Variants in SCN4A observed in about 807,000 individuals in gnomAD.
SCN4A encodes sodium voltage-gated channel alpha subunit 4.
A neutral mutation model predicts 162.0 loss-of-function variants in SCN4A; 83 were observed. The observed-to-expected ratio is 0.51, with a 90% CI of 0.43 to 0.61. The LOEUF is 0.61. Among genes scored for constraint, SCN4A ranks in the 20% least tolerant of loss-of-function variants. The pLI is 0.00. For missense variants in SCN4A, 2,196 were observed against 2,462.5 expected (o/e 0.89, Z 2.29); for synonymous variants, 944 against 985.1 (o/e 0.96, Z 0.78).
chr17:63,947,907 C>T lies in SCN4A; in HGVS notation c.3301G>A (p.Asp1101Asn). Residue 1101 changes from aspartate (D) to asparagine (N), a missense_variant, in exon 17 of 24, where the codon GAC (aspartate) becomes AAC (asparagine). Physicochemically the swap from Asp to Asn is conservative, Grantham distance 23 (BLOSUM62 1). Transcript: ENST00000435607. Reference sequence around the variant, plus strand: ...GGACTCACATCCACGATGAGGAAGTCGAGCCAGCACCAGGCGTTGGTGAAG... The same window carrying T: ...GGACTCACATCCACGATGAGGAAGTTGAGCCAGCACCAGGCGTTGGTGAAG... The part of the protein sequence containing the change: ...VYFTNAWCWL[D>N]FLIVDVSIIS... 3.7e-6 allele frequency: 6 copies of T among 1,613,502 alleles called. No individual in the cohort carries two copies. The highest frequency in any genetic ancestry group is 4.5e-5 in the East Asian group (2 of 44,860).
chr17:63,950,280 G>A lies in SCN4A; in HGVS notation c.2854-752C>T, dbSNP rs1021299839. 1.3e-5 allele frequency among the ~76,000 whole-genome samples: 2 copies of A among 152,174 alleles called. No homozygotes were observed. Among genetic ancestry groups the A allele is most frequent in the Admixed American group, 6.5e-5 (1 of 15,288 alleles). ...GTGACCAGAAAACCACCATGGCCGG[G>A]GTGGGGGTCCTTGTTTTCATTAGAC... is the stretch of plus-strand genomic sequence containing the variant. On this transcript the variant is annotated intron_variant, in intron 14 of 23. Coordinates refer to ENST00000435607, the MANE Select transcript of SCN4A (RefSeq NM_000334.4). This position sits in a 1 kb window ranked among gnomAD's most constrained non-coding sequence, Gnocchi z 4.6.
chr17:63,967,971 C>T (rs552391034), intron 6 of SCN4A, 52 bp downstream of exon 6: 1 of 1,446,704 alleles, frequency 6.9e-7, no homozygotes, highest in Non-Finnish European at 9.7e-7. Context: ...TCAGAGGCTA[C>T]CCTAGGGACT....
chr17:63,953,955 ACCAGTCTG>A (rs1908994370), intron 13 of SCN4A, among the ~76,000 whole-genome samples: 1 of 152,148 alleles, frequency 6.6e-6, no homozygotes, highest in African/African-American at 2.4e-5. Flanking sequence ...CCTTCCTTCT[ACCAGTCTG>A]CCTGGCCCTG....
chr17:63,953,418 G>C (rs1473147039), intron 13 of SCN4A, among the ~76,000 whole-genome samples: 2 of 151,944 alleles, frequency 1.3e-5, no homozygotes, highest in Non-Finnish European at 2.9e-5. Context: ...TACAAGTAGA[G>C]CACACAGTAG....
Position 63,972,354 on chromosome 17 carries a change from A to G in SCN4A, c.390T>C (p.His130=). 1.9e-6 allele frequency: 3 copies of G among 1,613,532 alleles called. No individual in the cohort carries two copies. The highest frequency in any genetic ancestry group is 2.5e-6 in the Non-Finnish European group (3 of 1,179,550). The change falls in exon 2 of 24, where the codon CAT becomes CAC. Residue 130 remains histidine, a splice_region_variant and synonymous_variant. Coordinates refer to ENST00000435607, the MANE Select transcript of SCN4A (RefSeq NM_000334.4). The surrounding 1 kb of genome is among the most constrained non-coding windows in gnomAD (Gnocchi z 4.3). Reference sequence around the variant, plus strand: ...CTCTCCCATCTTGGGCAGGATATGCATGGATGAGCACCTTGATGGCCCCGC... The same window carrying G: ...CTCTCCCATCTTGGGCAGGATATGCGTGGATGAGCACCTTGATGGCCCCGC... ...VRRGAIKVLI[H]ALFSMFIMIT... is the part of the protein sequence containing the mutation.
At chr17:63,965,753 C>G (rs537796276) in intron 8 of SCN4A, among the ~76,000 whole-genome samples, 234 of 152,356 alleles carry the variant, frequency 1.5e-3, no homozygotes, top group Non-Finnish European at 2.7e-3. Context: ...TCCCAAAGTG[C>G]TGGGATTTCA....
At position 63,968,391 on chromosome 17, in the gene SCN4A, C is replaced by G. The variant is rs566575286; in HGVS notation, c.704-36G>C. 2.5e-5 allele frequency: 39 copies of G among 1,544,850 alleles called. No individual in the cohort carries two copies. The African/African-American group carries it at 3.9e-4, about 16-fold the overall frequency. ...AGAGGGCAAGGATATTGGCAGGGGG[C>G]AGGGCAGGGTGATAACAGAGCCCCC... On this transcript the variant is annotated intron_variant, in intron 5 of 23. Coordinates refer to ENST00000435607, the MANE Select transcript of SCN4A (RefSeq NM_000334.4).
rs1241175426 is a variant in SCN4A at position 63,940,808 on chromosome 17, T to A, written c.5474A>T (p.Gln1825Leu). 3 of 1,596,018 alleles carry A rather than the reference T, an allele frequency of 1.9e-6. No homozygotes were observed. The African/African-American group carries it at 4.1e-5, about 22-fold the overall frequency. Residue 1825 changes from glutamine to leucine, a missense_variant, in exon 24 of 24, where the codon CAG becomes CTG. By Grantham distance (113) the Gln-to-Leu change is moderately radical. Coordinates refer to ENST00000435607, the MANE Select transcript of SCN4A (RefSeq NM_000334.4). ...CTCCTTGACACCTGGGCGCACAGTC[T>A]GCCCTGGGGGAGGGGCGGGAGGCCA... ...TAWPPAPPPGQTVRPGVKESL... is the reference protein window; with the variant it reads ...TAWPPAPPPGLTVRPGVKESL...
intron 17 of SCN4A, 68 bp downstream of exon 17, chr17:63,947,822 C>T (rs564725760): frequency 6.5e-7 from 1 of 1,535,460 alleles, no homozygotes; most frequent in East Asian, 2.3e-5. Flanking sequence ...AGGGCGTGGG[C>T]TTCCTGAGGT....
chr17:63,957,919 C>T (rs915914797), intron 12 of SCN4A, among the ~76,000 whole-genome samples: 3 of 150,444 alleles, frequency 2.0e-5, no homozygotes, highest in Admixed American at 6.6e-5. Context: ...GAAGGAGAAT[C>T]GCTTCAACCA....
At chr17:63,943,126 G>A (rs1416998627) in intron 22 of SCN4A, 30 bp from the exon 23 acceptor site, 1 of 1,594,186 alleles carries the variant, frequency 6.3e-7, no homozygotes, top group African/African-American at 1.3e-5. Context: ...GGATGTGGAG[G>A]AGTTGGGGTG....
chr17:63,942,258 G>GGTGT (rs58036769), intron 23 of SCN4A, among the ~76,000 whole-genome samples: 4,617 of 138,534 alleles, frequency 0.033, 140 homozygotes, highest in African/African-American at 0.095. Flanking sequence ...AAATGCCACT[G>GGTGT]GTGTGTGTGT....
chr17:63,948,717 C>A lies in SCN4A; in HGVS notation c.3038G>T (p.Arg1013Leu), dbSNP rs578232775. 16 of 1,613,288 alleles carry A rather than the reference C, an allele frequency of 9.9e-6. No individual in the cohort carries two copies. In the East Asian group the frequency reaches 3.1e-4, roughly 31 times the overall value. Residue 1013 changes from arginine to leucine, a missense_variant, in exon 16 of 24, where the codon CGT (arginine) becomes CTT (leucine). By Grantham distance (102) the Arg-to-Leu change is moderately radical (BLOSUM62 -2). Coordinates refer to ENST00000435607, the MANE Select transcript of SCN4A (RefSeq NM_000334.4). ...GCGCAGAGTCCACCACTTCTTCCCA[C>A]GGCCCTGGGAGATGTCCACGTAGAG... ...PCLYVDISQG[R>L]GKKWWTLRRA...
chr17:63,949,252 T>G, intron 15 of SCN4A, 141 bp downstream of exon 15: 1 of 893,690 alleles, frequency 1.1e-6, no homozygotes, highest in Non-Finnish European at 1.7e-6. Context: ...GGGCATGCAC[T>G]GCCACCACCC....
At position 63,942,943 on chromosome 17, in the gene SCN4A, T is replaced by A. The variant is rs866459001; in HGVS notation, c.4171A>T (p.Ile1391Phe). 5.0e-6 allele frequency: 8 copies of A among 1,613,976 alleles called. No homozygotes were observed. Among genetic ancestry groups the A allele is most frequent in the Admixed American group, 1.7e-5 (1 of 60,018 alleles). Residue 1391 changes from isoleucine (I) to phenylalanine (F), a missense_variant, in exon 23 of 24, where the codon ATC (isoleucine) becomes TTC (phenylalanine). Ile to Phe is a conservative substitution (Grantham distance 21). Transcript: ENST00000435607. ...TCCCCTGTGAAGATGATGATGAAGATCATGTTGATGTTGTACAGGATGTCC... is the reference window on the plus strand; with the variant it reads ...TCCCCTGTGAAGATGATGATGAAGAACATGTTGATGTTGTACAGGATGTCC... ...KVDILYNINMIFIIIFTGECV... is the reference protein window; with the variant it reads ...KVDILYNINMFFIIIFTGECV...
Position 63,940,896 on chromosome 17 carries a change from CCTT to C in SCN4A, c.5383_5385del (p.Lys1795del), listed in dbSNP as rs1438765119. 1.2e-6 allele frequency: 2 copies of C among 1,613,838 alleles called. No homozygotes were observed. Reference sequence around the variant, plus strand: ...GTGGGTCCGGCGTCCCCTGCCTCGCCCTTCTCCTCCGGGCTTGGCGAGCTGCTG... The same window carrying C: ...GTGGGTCCGGCGTCCCCTGCCTCGCCCTCCTCCGGGCTTGGCGAGCTGCTG... On this transcript the variant is annotated inframe_deletion, in exon 24 of 24. Coordinates refer to ENST00000435607, the MANE Select transcript of SCN4A (RefSeq NM_000334.4).
chr17:63,966,936 C>G (rs775405879), intron 6 of SCN4A, among the ~76,000 whole-genome samples: 1 of 151,012 alleles, frequency 6.6e-6, no homozygotes, highest in African/African-American at 2.4e-5. Context: ...TGCAAGAAGG[C>G]GCTATGTAGA....
At chr17:63,968,495 T>C in intron 5 of SCN4A, 140 bp from the exon 6 acceptor site, 1 of 662,024 alleles carries the variant, frequency 1.5e-6, no homozygotes, top group Non-Finnish European at 2.5e-6. Context: ...CCCGAAGCCT[T>C]CTGAAATTAA....
At chr17:63,949,821 G>A (rs2144784892) in intron 14 of SCN4A, 1 of 270,348 alleles carries the variant, frequency 3.7e-6, no homozygotes, top group Non-Finnish European at 7.0e-6. Context: ...GAGGAGGCGG[G>A]GACCCCGGCC....
Sources: allele counts gnomAD v4.1 joint callset (sites outside exome capture counted in the v4.1 genomes callset), GRCh38; gene constraint gnomAD v4.1.1; non-coding constraint Gnocchi (gnomAD v3.1); transcripts MANE v1.5; gene names NCBI Gene and HGNC (gene_info 2026-07-23, HGNC 2026-07-21).